PHACTR1: variants seen among roughly 807,000 people sequenced by gnomAD.
The protein encoded by PHACTR1 is RPEL repeat containing 1.
PHACTR1 carries 16 observed loss-of-function variants against 69.2 expected under a neutral mutation model. That is an observed-to-expected ratio of 0.23 (90% confidence interval 0.16 to 0.35). PHACTR1 has a LOEUF of 0.35. PHACTR1 is among the 10% of genes least tolerant of loss of function. The pLI is 1.00. For missense variants in PHACTR1, 510 were observed against 734.7 expected (o/e 0.69, Z 3.54); for synonymous variants, 312 against 284.5 (o/e 1.10, Z -0.97).
intron 4 of PHACTR1, among the ~76,000 whole-genome samples, chr6:12,764,320 G>A (rs1477735913): frequency 2.0e-5 from 3 of 152,198 alleles, no homozygotes; most frequent in Non-Finnish European, 4.4e-5. Flanking sequence ...TTTCTTTCTA[G>A]TTGCTGGTTG....
chr6:12,878,508 G>A (rs1744287627), intron 4 of PHACTR1, among the ~76,000 whole-genome samples: 1 of 152,186 alleles, frequency 6.6e-6, no homozygotes, highest in Admixed American at 6.5e-5. Flanking sequence ...TAAGTCTCTT[G>A]AAGCCCTTGC....
rs141094206 is a variant in PHACTR1, at chr6:12,782,153, A to T, written c.250+32363A>T. On this transcript the variant is annotated intron_variant, in intron 4 of 14. Transcript: ENST00000332995. Reference sequence around the variant, plus strand: ...TCCCAGTCCATCAGGGATAAGCTTTAAAAAAATTGAGGCTGAGCTTTTGTA... The same window carrying T: ...TCCCAGTCCATCAGGGATAAGCTTTTAAAAAATTGAGGCTGAGCTTTTGTA... Among the ~76,000 whole-genome samples, 664 of 152,276 alleles carry T rather than the reference A, an allele frequency of 4.4e-3. 8 individuals are homozygous for T. Among genetic ancestry groups the T allele is most frequent in the African/African-American group, 0.015 (626 of 41,552 alleles).
rs1311519016 is a variant in PHACTR1, at chr6:13,245,865, A to G, written c.1391+15672A>G. Among the ~76,000 whole-genome samples the G allele has an allele frequency of 6.6e-6, 1 of 152,178 alleles. No individual in the cohort carries two copies. Among genetic ancestry groups the G allele is most frequent in the Non-Finnish European group, 1.5e-5 (1 of 68,024 alleles). ...CAGGTCCAGTTTCAATCCCCTGCATATAGCTAGCCAGTTATCCCAGTTCTT... is the reference window on the plus strand; with the variant it reads ...CAGGTCCAGTTTCAATCCCCTGCATGTAGCTAGCCAGTTATCCCAGTTCTT... On this transcript the variant is annotated intron_variant, in intron 10 of 14. Transcript: ENST00000332995. This position sits in a 1 kb window ranked among gnomAD's most constrained non-coding sequence, Gnocchi z 4.1.
At chr6:13,164,144 A>G (rs1465033365) in intron 6 of PHACTR1, among the ~76,000 whole-genome samples, 6 of 150,548 alleles carry the variant, frequency 4.0e-5, no homozygotes, top group Non-Finnish European at 7.4e-5. Context: ...ATTCGGTTCC[A>G]CCTGGCTTTC....
chr6:12,975,112 C>A (rs1181216793), intron 4 of PHACTR1, among the ~76,000 whole-genome samples: 3 of 152,104 alleles, frequency 2.0e-5, no homozygotes, highest in African/African-American at 7.2e-5. Flanking sequence ...CTATCTGTTA[C>A]AATGAGTGTG....
At chr6:12,930,968 C>G (rs1220284596) in intron 4 of PHACTR1, among the ~76,000 whole-genome samples, 1 of 130,338 alleles carries the variant, frequency 7.7e-6, no homozygotes, top group African/African-American at 2.8e-5. Context: ...AGGAGACTCA[C>G]TTGAACCTGG....
chr6:13,240,404 G>A (rs1772653150), intron 10 of PHACTR1, among the ~76,000 whole-genome samples: 1 of 151,986 alleles, frequency 6.6e-6, no homozygotes, highest in African/African-American at 2.4e-5. Flanking sequence ...GTGTTTCTTA[G>A]GATATTCGTT....
At chr6:13,020,191 AAAG>A (rs1431252174) in intron 4 of PHACTR1, among the ~76,000 whole-genome samples, 3 of 152,242 alleles carry the variant, frequency 2.0e-5, no homozygotes, top group Non-Finnish European at 4.4e-5. Flanking sequence ...TTGGTTTGGA[AAAG>A]AAGAAGTGAA....
At chr6:13,041,403 G>A (rs1453043484) in intron 4 of PHACTR1, among the ~76,000 whole-genome samples, 3 of 145,034 alleles carry the variant, frequency 2.1e-5, no homozygotes, top group African/African-American at 7.6e-5. Context: ...GTTTTAGCAA[G>A]GATCAACACC....
intron 5 of PHACTR1, among the ~76,000 whole-genome samples, chr6:13,065,785 G>T (rs1298255139): frequency 6.6e-6 from 1 of 152,076 alleles, no homozygotes; most frequent in African/African-American, 2.4e-5. Flanking sequence ...ACATTTTTCA[G>T]CAATGACAAT....
intron 10 of PHACTR1, among the ~76,000 whole-genome samples, chr6:13,258,527 A>G (rs1321527372): frequency 6.6e-6 from 1 of 152,182 alleles, no homozygotes; most frequent in East Asian, 1.9e-4. Context: ...AAAAGAGACA[A>G]AATGCTGTAG....
Position 12,823,539 on chromosome 6 carries a change from T to C in PHACTR1, c.250+73749T>C, listed in dbSNP as rs141458981. Among the ~76,000 whole-genome samples, 57 of 152,344 alleles carry C rather than the reference T, an allele frequency of 3.7e-4. No individual in the cohort carries two copies. In the East Asian group the frequency reaches 0.011, roughly 29 times the overall value. On this transcript the variant is annotated intron_variant, in intron 4 of 14. Transcript: ENST00000332995. ...AAACATAACAAGCCCATCTCTGGAC[T>C]TGGACAGATCTGTCTTGTAGATTTT...
chr6:12,738,795 G>A (rs1195518223), intron 3 of PHACTR1, among the ~76,000 whole-genome samples: 1 of 152,146 alleles, frequency 6.6e-6, no homozygotes, highest in African/African-American at 2.4e-5. Flanking sequence ...AACCTGGGAG[G>A]CGGAAGTTGC....
chr6:13,281,292 A>G (rs1008070883), intron 12 of PHACTR1: 12 of 364,070 alleles, frequency 3.3e-5, no homozygotes, highest in African/African-American at 2.4e-4. Flanking sequence ...GGTGGCTCAT[A>G]TCTGTAATCC....
At chr6:13,029,040 G>A (rs150607517) in intron 4 of PHACTR1, among the ~76,000 whole-genome samples, 4 of 152,270 alleles carry the variant, frequency 2.6e-5, no homozygotes, top group East Asian at 1.9e-4. Flanking sequence ...CTTATTATGT[G>A]CCAATTATGA....
chr6:13,107,905 C>T (rs1050454964), intron 5 of PHACTR1, among the ~76,000 whole-genome samples: 1 of 151,736 alleles, frequency 6.6e-6, no homozygotes, highest in Non-Finnish European at 1.5e-5. Flanking sequence ...GATTTCTAGT[C>T]TTTATTATTT....
chr6:13,065,664 A>G (rs1235527213), intron 5 of PHACTR1, among the ~76,000 whole-genome samples: 3 of 152,066 alleles, frequency 2.0e-5, no homozygotes, highest in African/African-American at 7.2e-5. Context: ...GTTTTTTAAG[A>G]TTGGTTAGAT....
At chr6:13,244,027 C>A (rs149127582) in intron 10 of PHACTR1, among the ~76,000 whole-genome samples, 126 of 152,196 alleles carry the variant, frequency 8.3e-4, no homozygotes, top group African/African-American at 2.8e-3. Context: ...GGGGACCTGC[C>A]CCGATAATCA....
chr6:13,070,839 CA>C (rs927129893), intron 5 of PHACTR1, among the ~76,000 whole-genome samples: 6 of 149,678 alleles, frequency 4.0e-5, no homozygotes, highest in Non-Finnish European at 8.9e-5. Flanking sequence ...CAGCAGCAAC[CA>C]AAAAAAAACA....
Sources: allele counts gnomAD v4.1 joint callset (sites outside exome capture counted in the v4.1 genomes callset), GRCh38; gene constraint gnomAD v4.1.1; non-coding constraint Gnocchi (gnomAD v3.1); transcripts MANE v1.5; gene names NCBI Gene and HGNC (gene_info 2026-07-23, HGNC 2026-07-21).